LRGUK: variants seen among roughly 807,000 people sequenced by gnomAD.
LRGUK encodes the protein leucine rich repeats and guanylate kinase domain containing, also known as leucine-rich repeat and guanylate kinase domain-containing protein.
A neutral mutation model predicts 76.0 loss-of-function variants in LRGUK; 65 were observed. The observed-to-expected ratio is 0.85, with a 90% CI of 0.70 to 1.05. LRGUK has a LOEUF of 1.05. Ranked by LOEUF, LRGUK falls within the 50% of genes least tolerant of loss-of-function variation. The probability of loss-of-function intolerance (pLI) is 0.00; values close to 1 mark genes in which losing one functional copy is unlikely to be tolerated. For synonymous variants in LRGUK, 268 were observed against 265.6 expected (o/e 1.01, Z -0.09); for missense variants, 758 against 732.8 (o/e 1.03, Z -0.40).
At chr7:134,210,057 G>A (rs1219911739) in exon 16 of LRGUK, 4 of 399,356 alleles carry the variant, frequency 1.0e-5, no homozygotes, top group African/African-American at 6.2e-5. Context: ...CACAACCAGG[G>A]GCCACTTCAG....
At chr7:134,259,010 G>A (rs1348210589) in intron 19 of LRGUK, among the ~76,000 whole-genome samples, 1 of 152,182 alleles carries the variant, frequency 6.6e-6, no homozygotes, top group Non-Finnish European at 1.5e-5. Context: ...ATGCTCTTTG[G>A]AAGAGGCTTT....
intron 6 of LRGUK, among the ~76,000 whole-genome samples, chr7:134,159,898 T>G (rs1192324343): frequency 6.6e-6 from 1 of 152,242 alleles, no homozygotes; most frequent in African/African-American, 2.4e-5. Flanking sequence ...ACCTGAGGGT[T>G]TGATAATTTT....
At chr7:134,146,384 T>C (rs529655103) in intron 4 of LRGUK, among the ~76,000 whole-genome samples, 4 of 152,276 alleles carry the variant, frequency 2.6e-5, no homozygotes, top group Admixed American at 2.6e-4. Flanking sequence ...GAATGAAAGA[T>C]GTTGATGAAA....
intron 15 of LRGUK, among the ~76,000 whole-genome samples, chr7:134,207,730 C>CT (rs1221941405): frequency 6.6e-6 from 1 of 152,166 alleles, no homozygotes; most frequent in Non-Finnish European, 1.5e-5. Context: ...GTTGGAGTCG[C>CT]TGAGTATCAG....
At chr7:134,143,883 C>T (rs560051239) in intron 4 of LRGUK, among the ~76,000 whole-genome samples, 2 of 149,594 alleles carry the variant, frequency 1.3e-5, no homozygotes, top group South Asian at 2.2e-4. Context: ...GGGGCCTGAG[C>T]CTGTGATTGC....
chr7:134,268,201 T>A (rs746618413), downstream of LRGUK, among the ~76,000 whole-genome samples: 1 of 135,758 alleles, frequency 7.4e-6, no homozygotes, highest in Non-Finnish European at 1.7e-5. Context: ...CTTGAAAACA[T>A]AATAAAATGG....
At chr7:134,172,647 G>A (rs1799306069) in intron 7 of LRGUK, among the ~76,000 whole-genome samples, 1 of 152,160 alleles carries the variant, frequency 6.6e-6, no homozygotes, top group Non-Finnish European at 1.5e-5. Context: ...GATAAATGAA[G>A]GAACACATCT....
chr7:134,146,148 C>T (rs1193099228), intron 4 of LRGUK, among the ~76,000 whole-genome samples: 1 of 152,046 alleles, frequency 6.6e-6, no homozygotes, highest in Non-Finnish European at 1.5e-5. Context: ...ATGGTGGGAG[C>T]CTATAGTCCC....
chr7:134,264,540 G>C (rs955314661), exon 20 of LRGUK: 2 of 152,152 alleles, frequency 1.3e-5, no homozygotes, highest in African/African-American at 4.8e-5. Flanking sequence ...ATTTTGGGGG[G>C]TTCTTGACTT....
chr7:134,130,884 ATTC>A lies in LRGUK; in HGVS notation c.297+3224_297+3226del. 7.2e-5 allele frequency among the ~76,000 whole-genome samples: 11 copies of A among 152,372 alleles called. 4 individuals carry two copies. The highest frequency in any genetic ancestry group is 7.2e-4 in the Admixed American group (11 of 15,302). On this transcript the variant is annotated intron_variant, in intron 1 of 15. Coordinates refer to ENST00000645682, the Ensembl canonical transcript of LRGUK. The stretch of plus-strand genomic sequence containing the variant: ...TTGAGCAAATTACTTAACCTCTCTC[ATTC>A]TTCATGTGGGAATTATAATAATACT...
intron 16 of LRGUK, among the ~76,000 whole-genome samples, chr7:134,229,549 G>T (rs1464582995): frequency 6.6e-6 from 1 of 152,166 alleles, no homozygotes; most frequent in Non-Finnish European, 1.5e-5. Flanking sequence ...GATAGACCAT[G>T]TTTATGGATT....
rs142845324 is a variant in LRGUK, at chr7:134,200,966, C to A, written c.1748-515C>A. ...TCTTTTGGTTGTAGAACTGAGGTCCCAGTTTCCCTGTGGGCTGTCTGCCAA... is the reference window on the plus strand; with the variant it reads ...TCTTTTGGTTGTAGAACTGAGGTCCAAGTTTCCCTGTGGGCTGTCTGCCAA... On this transcript the variant is annotated intron_variant, in intron 14 of 15. Coordinates refer to ENST00000645682, the Ensembl canonical transcript of LRGUK. Among the ~76,000 whole-genome samples, 1,003 of 152,234 alleles carry A rather than the reference C, an allele frequency of 6.6e-3. 12 individuals are homozygous for A. The highest frequency in any genetic ancestry group is 0.018 in the African/African-American group (733 of 41,532).
chr7:134,210,174 T>C, exon 16 of LRGUK: 4 of 399,350 alleles, frequency 1.0e-5, no homozygotes, highest in Non-Finnish European at 1.8e-5. Context: ...GCCTTGCAGC[T>C]AGAACCCCAC....
chr7:134,158,222 A>T lies in LRGUK; in HGVS notation c.795+63A>T, dbSNP rs1563151371. On this transcript the variant is annotated intron_variant, in intron 6 of 15. Coordinates refer to ENST00000645682, the Ensembl canonical transcript of LRGUK. ...AGTTAATGCTTTTAGTAACTACATGAATTATGACTACTTAGGATTCAAATA... is the reference window on the plus strand; with the variant it reads ...AGTTAATGCTTTTAGTAACTACATGTATTATGACTACTTAGGATTCAAATA... 7 of 1,399,960 alleles carry T rather than the reference A, an allele frequency of 5.0e-6. No individual in the cohort carries two copies. The East Asian group carries it at 1.4e-4, about 28-fold the overall frequency. The allele number at this position is 1,399,960 out of a possible 1,614,324, so 86.7% of individuals were successfully genotyped here.
intron 11 of LRGUK, among the ~76,000 whole-genome samples, chr7:134,185,343 T>G (rs1017612971): frequency 3.9e-5 from 6 of 152,116 alleles, no homozygotes; most frequent in African/African-American, 1.4e-4. Context: ...GGCGGATCAC[T>G]TGAAGCCAGG....
At chr7:134,219,044 G>A (rs575892113) in intron 15 of LRGUK, among the ~76,000 whole-genome samples, 123 of 152,264 alleles carry the variant, frequency 8.1e-4, no homozygotes, top group Non-Finnish European at 1.3e-3. Context: ...TTTGTGGACT[G>A]TAAAGTAGTT....
At position 134,127,673 on chromosome 7, in the gene LRGUK, T is replaced by TC. The variant is rs767871419; in HGVS notation, c.297+16dup. The TC allele has an allele frequency of 6.8e-5, 109 of 1,607,608 alleles. No homozygotes were observed. The East Asian group carries it at 1.1e-3, about 16-fold the overall frequency. ...AAATGCTGAATTTGGAGGTGTGTCT[T>TC]CCCCCCCACCCCGTACTCCCTGGCT... On this transcript the variant is annotated intron_variant, in intron 1 of 15. Transcript: ENST00000645682.
In LRGUK at chr7:134,238,998, T is replaced by C. The variant is rs1052260710; in HGVS notation, c.1984-8558T>C. On this transcript the variant is annotated intron_variant, in intron 16 of 19. Coordinates refer to the LRGUK transcript ENST00000285928. ...TTTTTATTCCACTCCCATCACCTTC[T>C]CTGAGTGCGGAGCCTGTCTTAGCAA... 3.3e-5 allele frequency among the ~76,000 whole-genome samples: 5 copies of C among 152,174 alleles called. No homozygotes were observed. The East Asian group carries it at 9.6e-4, about 29-fold the overall frequency.
intron 19 of LRGUK, among the ~76,000 whole-genome samples, chr7:134,259,237 C>G (rs545606638): frequency 6.6e-6 from 1 of 152,288 alleles, no homozygotes; most frequent in African/African-American, 2.4e-5. Flanking sequence ...ACTTTTCTCT[C>G]TGGGCTCCGC....
Sources: allele counts gnomAD v4.1 joint callset (sites outside exome capture counted in the v4.1 genomes callset), GRCh38; gene constraint gnomAD v4.1.1; transcripts MANE v1.5; gene names NCBI Gene and HGNC (gene_info 2026-07-23, HGNC 2026-07-21).